ANKRD30A: variants seen among roughly 807,000 people sequenced by gnomAD.
ANKRD30A encodes the protein ankyrin repeat domain-containing protein 30A.
In ANKRD30A, 170 loss-of-function variants were observed where a neutral mutation model predicts 166.3. The observed-to-expected ratio is 1.02, with a 90% CI of 0.90 to 1.16. The LOEUF is 1.16. Ranked by LOEUF, ANKRD30A falls within the 50% of genes most tolerant of loss-of-function variation. ANKRD30A has a pLI of 0.00. For missense variants in ANKRD30A, 1,630 were observed against 1,518.0 expected, an observed-to-expected ratio of 1.07 and a Z score of -1.23; for synonymous variants, 564 against 508.9, an observed-to-expected ratio of 1.11 and a Z score of -1.46.
At chr10:37,161,917 T>C (rs1040514385) in intron 15 of ANKRD30A, among the ~76,000 whole-genome samples, 1 of 152,186 alleles carries the variant, frequency 6.6e-6, no homozygotes, top group Non-Finnish European at 1.5e-5. Flanking sequence ...AAGATTGCTT[T>C]TTAAGATAAA....
intron 18 of ANKRD30A, among the ~76,000 whole-genome samples, chr10:37,165,824 G>A (rs983926731): frequency 6.6e-6 from 1 of 152,084 alleles, no homozygotes; most frequent in East Asian, 1.9e-4. Context: ...TGTATTTTAA[G>A]GTCACAACGG....
At chr10:37,162,053 ATC>A (rs1315236352) in intron 15 of ANKRD30A, among the ~76,000 whole-genome samples, 4 of 152,160 alleles carry the variant, frequency 2.6e-5, no homozygotes, top group Admixed American at 2.6e-4. Context: ...AGTTTTACAC[ATC>A]TTCTTGCATG....
At chr10:37,191,210 A>G (rs1301252286) in intron 25 of ANKRD30A, among the ~76,000 whole-genome samples, 1 of 151,952 alleles carries the variant, frequency 6.6e-6, no homozygotes, top group African/African-American at 2.4e-5. Context: ...ATTAAGAGAT[A>G]TTGAGATGAG....
At chr10:37,205,353 A>G (rs113799873) in intron 31 of ANKRD30A, among the ~76,000 whole-genome samples, 11,295 of 152,088 alleles carry the variant, frequency 0.074, 501 homozygotes, top group African/African-American at 0.1. Flanking sequence ...GCAAGGACAG[A>G]AAACCAAACA....
At chr10:37,213,556 CTTTT>C (rs397965588) in intron 31 of ANKRD30A, among the ~76,000 whole-genome samples, 1 of 132,538 alleles carries the variant, frequency 7.5e-6, no homozygotes, top group African/African-American at 2.8e-5. Flanking sequence ...TCTTCTTCTT[CTTTT>C]TTTTTTTTTT....
At chr10:37,229,420 A>G (rs533981929) in intron 34 of ANKRD30A, among the ~76,000 whole-genome samples, 1 of 152,124 alleles carries the variant, frequency 6.6e-6, no homozygotes, top group South Asian at 2.1e-4. Flanking sequence ...TCTCCTCTAT[A>G]TATGTATGCA....
chr10:37,158,307 C>A, intron 13 of ANKRD30A, 85 bp from the exon 14 acceptor site: 1 of 1,493,646 alleles, frequency 6.7e-7, no homozygotes, highest in South Asian at 1.2e-5. Flanking sequence ...CATGAGGATT[C>A]ATCTTCATGT....
the ANKRD30A span, among the ~76,000 whole-genome samples, chr10:37,259,997 G>A: frequency 6.6e-6 from 1 of 152,116 alleles, no homozygotes; most frequent in Non-Finnish European, 1.5e-5. Context: ...TGGGAGGATA[G>A]GGAGGAGGTG....
Position 37,219,400 on chromosome 10 carries a change from T to A in ANKRD30A, c.3688T>A (p.Cys1230Ser). The change falls in exon 34 of 36, where the codon TGT becomes AGT. Residue 1230 changes from cysteine (C) to serine (S), a missense_variant. This residue lies in a region of ANKRD30A where 712 missense variants were observed against 629.3 expected (regional missense o/e 1.13). Transcript: ENST00000361713. ...TGCTTTCCACATTGCAGGAGATGCT[T>A]GTTTGCAAAGAAAAATGAATGTTGA... ...EPAFHIAGDACLQRKMNVDVS... is the reference protein window; with the variant it reads ...EPAFHIAGDASLQRKMNVDVS... 1.2e-6 allele frequency: 2 copies of A among 1,610,558 alleles called. No individual in the cohort carries two copies. The highest frequency in any genetic ancestry group is 1.7e-6 in the Non-Finnish European group (2 of 1,177,768).
At chr10:37,183,352 C>T (rs1305975149) in intron 24 of ANKRD30A, among the ~76,000 whole-genome samples, 1 of 144,748 alleles carries the variant, frequency 6.9e-6, no homozygotes, top group Non-Finnish European at 1.5e-5. Flanking sequence ...ATTAGGCCCC[C>T]GGTGTATTTG....
Position 37,219,505 on chromosome 10 carries a change from A to G in ANKRD30A, c.3793A>G (p.Ile1265Val), listed in dbSNP as rs1177189110. The G allele has an allele frequency of 1.2e-6, 2 of 1,610,338 alleles. No individual in the cohort carries two copies. The highest frequency in any genetic ancestry group is 1.1e-5 in the South Asian group (1 of 90,978). The change falls in exon 34 of 36, where the codon ATT becomes GTT. Residue 1265 changes from isoleucine to valine, a missense_variant. Ile to Val is a conservative substitution (Grantham distance 29). Coordinates refer to ENST00000361713, the MANE Select transcript of ANKRD30A (RefSeq NM_052997.3). ...TCAAAGGAAATCCAAAAGCCTAAAA[A>G]TTAATCTCAATTATGCAGGAGATGC... ...EAQRKSKSLK[I>V]NLNYAGDALR...
chr10:37,232,697 T>TATATATATATATATAGAGAG (rs1273812991), downstream of ANKRD30A: 2 of 78,408 alleles, frequency 2.6e-5, no homozygotes, highest in Non-Finnish European at 4.8e-5. Context: ...TATATATAAA[T>TATATATATATATATAGAGAG]AGAGAGAGAG....
At chr10:37,214,539 GGT>G (rs1491559981) in intron 31 of ANKRD30A, among the ~76,000 whole-genome samples, 1 of 123,652 alleles carries the variant, frequency 8.1e-6, no homozygotes, top group African/African-American at 3.0e-5. Flanking sequence ...TAGTTTTATA[GGT>G]ATATATATAT....
rs1237548952 is a variant in ANKRD30A at position 37,203,752 on chromosome 10, G to A, written c.2869+2427G>A. On this transcript the variant is annotated intron_variant, in intron 31 of 35. Coordinates refer to ENST00000361713, the MANE Select transcript of ANKRD30A (RefSeq NM_052997.3). The stretch of plus-strand genomic sequence containing the variant: ...TTAGAAAACCCCATTGTCTCAGCCC[G>A]AAATCTTCTTAAGCTGATATAAGCA... Among the ~76,000 whole-genome samples, 6 of 152,152 alleles carry A rather than the reference G, an allele frequency of 3.9e-5. No homozygotes were observed. The East Asian group carries it at 7.7e-4, about 20-fold the overall frequency.
At chr10:37,136,023 C>G (rs1277578571) in intron 5 of ANKRD30A, among the ~76,000 whole-genome samples, 1 of 152,128 alleles carries the variant, frequency 6.6e-6, no homozygotes, top group Admixed American at 6.5e-5. Context: ...AACTTCTGGG[C>G]TCAAGCAATT....
chr10:37,135,521 G>A (rs1011604358), intron 5 of ANKRD30A, among the ~76,000 whole-genome samples: 1 of 152,168 alleles, frequency 6.6e-6, no homozygotes, highest in Non-Finnish European at 1.5e-5. Context: ...TGTGCAGTAT[G>A]CTGTTAGTAG....
intron 30 of ANKRD30A, 136 bp downstream of exon 30, chr10:37,199,924 T>A: frequency 2.0e-6 from 1 of 512,580 alleles, no homozygotes; most frequent in African/African-American, 2.0e-5. Flanking sequence ...AGAATATGCT[T>A]AATAGAGAAT....
In ANKRD30A at chr10:37,133,072, C is replaced by T. The variant is rs181592372; in HGVS notation, c.617+726C>T. Among the ~76,000 whole-genome samples, 11 of 152,004 alleles carry T rather than the reference C, an allele frequency of 7.2e-5. No homozygotes were observed. The East Asian group carries it at 2.1e-3, about 29-fold the overall frequency. ...ATTTTGTCTTTAGGATGACTGTTTG[C>T]TTGTTTTCTTTGAAGAATATTAATT... On this transcript the variant is annotated intron_variant, in intron 4 of 35. Coordinates refer to ENST00000361713, the MANE Select transcript of ANKRD30A (RefSeq NM_052997.3).
At chr10:37,213,358 A>T in intron 31 of ANKRD30A, among the ~76,000 whole-genome samples, 1 of 151,780 alleles carries the variant, frequency 6.6e-6, no homozygotes, top group South Asian at 2.1e-4. Context: ...GGTTATTTCT[A>T]TCAGGGCATT....
Sources: gnomAD v4.1 joint callset for allele counts (sites outside exome capture counted in the v4.1 genomes callset) on GRCh38, gnomAD v4.1.1 for gene constraint, gnomAD v4.1.1 regional missense constraint, MANE v1.5 for transcripts, NCBI Gene and HGNC (gene_info 2026-07-23, HGNC 2026-07-21) for gene names.